The following SLC60A2 variants were observed in gnomAD, a reference collection of about 807,000 sequenced individuals.
SLC60A2 encodes the protein solute carrier family 60 member 2.
chr6:111,271,186 A>AT, the SLC60A2 span: 2 of 151,528 alleles, frequency 1.3e-5, no homozygotes, highest in Admixed American at 1.3e-4. Flanking sequence ...AAAAAAAAAA[A>AT]AAAAAAAGGA....
chr6:111,262,118 CAGT>C, the SLC60A2 span: 54 of 538,732 alleles, frequency 1.0e-4, no homozygotes, highest in Non-Finnish European at 1.5e-4. Flanking sequence ...ACTAAAAAAA[CAGT>C]AGTCTAATTC....
At chr6:111,261,284 T>C in the SLC60A2 span, among the ~76,000 whole-genome samples, 1 of 152,204 alleles carries the variant, frequency 6.6e-6, no homozygotes, top group Non-Finnish European at 1.5e-5. Flanking sequence ...TATTGCTGTT[T>C]AACAACATAA....
At chr6:111,273,496 G>GT in the SLC60A2 span, among the ~76,000 whole-genome samples, 15,134 of 109,732 alleles carry the variant, frequency 0.14, 941 homozygotes, top group Middle Eastern at 0.23. Flanking sequence ...TGAGATTTGT[G>GT]TTTTTTTTTT....
At chr6:111,271,181 A>G in the SLC60A2 span, 1 of 151,428 alleles carries the variant, frequency 6.6e-6, no homozygotes, top group Admixed American at 6.6e-5. Context: ...AAAAAAAAAA[A>G]AAAAAAAAAA....
At chr6:111,265,221 A>T in the SLC60A2 span, 4 of 889,224 alleles carry the variant, frequency 4.5e-6, no homozygotes, top group African/African-American at 1.8e-5. Flanking sequence ...TAATTTTGTT[A>T]TGAAATTATA....
the SLC60A2 span, among the ~76,000 whole-genome samples, chr6:111,261,088 G>A: frequency 6.2e-3 from 942 of 152,300 alleles, 14 homozygotes; most frequent in African/African-American, 0.022. Context: ...TGCTGACACT[G>A]CATTGAGTAA....
the SLC60A2 span, among the ~76,000 whole-genome samples, chr6:111,273,496 G>GTTTTTTTTTTT: frequency 1.8e-5 from 2 of 109,864 alleles, no homozygotes; most frequent in Non-Finnish European, 2.2e-5. Flanking sequence ...TGAGATTTGT[G>GTTTTTTTTTTT]TTTTTTTTTT....
the SLC60A2 span, chr6:111,267,983 C>T: frequency 6.6e-6 from 1 of 152,248 alleles, no homozygotes; most frequent in African/African-American, 2.4e-5. Flanking sequence ...GCCCTGCACT[C>T]TGTCACTTAA....
the SLC60A2 span, among the ~76,000 whole-genome samples, chr6:111,264,787 C>CAAA: frequency 1.7e-5 from 2 of 121,014 alleles, no homozygotes; most frequent in Admixed American, 8.1e-5. Flanking sequence ...GACTCCATCT[C>CAAA]AAAAAAAAAA....
chr6:111,267,037 T>C, the SLC60A2 span: 1 of 1,614,108 alleles, frequency 6.2e-7, no homozygotes, highest in South Asian at 1.1e-5. Flanking sequence ...AATGCACTGG[T>C]GTTTGAGTCT....
At chr6:111,265,849 A>G in the SLC60A2 span, 1 of 1,550,248 alleles carries the variant, frequency 6.5e-7, no homozygotes, top group Non-Finnish European at 8.7e-7. Context: ...TTTAACTTAA[A>G]TAATTTTTCC....
At chr6:111,268,875 GGT>G in the SLC60A2 span, 1 of 152,108 alleles carries the variant, frequency 6.6e-6, no homozygotes, top group Non-Finnish European at 1.5e-5. Flanking sequence ...GATCAGAAAG[GGT>G]ACTTCATATA....
At chr6:111,261,878 T>C in the SLC60A2 span, among the ~76,000 whole-genome samples, 1 of 152,248 alleles carries the variant, frequency 6.6e-6, no homozygotes, top group Non-Finnish European at 1.5e-5. Flanking sequence ...AGGCGTGAGC[T>C]ACTGTGCCCG....
chr6:111,271,679 T>G, the SLC60A2 span, among the ~76,000 whole-genome samples: 6 of 143,990 alleles, frequency 4.2e-5, no homozygotes, highest in African/African-American at 1.5e-4. Context: ...GGCTCACACC[T>G]GTAATCACAG....
At chr6:111,268,578 G>A in the SLC60A2 span, 1 of 152,248 alleles carries the variant, frequency 6.6e-6, no homozygotes, top group Non-Finnish European at 1.5e-5. Context: ...AACTGTTTCA[G>A]TGTTATTAGA....
chr6:111,270,110 G>A, the SLC60A2 span: 1 of 152,170 alleles, frequency 6.6e-6, no homozygotes, highest in African/African-American at 2.4e-5. Context: ...GCCTCCCACA[G>A]TTCTTGCCAT....
At chr6:111,267,860 C>T in the SLC60A2 span, 11 of 152,138 alleles carry the variant, frequency 7.2e-5, no homozygotes, top group African/African-American at 2.4e-4. Context: ...ATTGCTTTAC[C>T]TTATCTGTAG....
the SLC60A2 span, among the ~76,000 whole-genome samples, chr6:111,274,913 GTTTA>G: frequency 3.5e-4 from 53 of 152,058 alleles, no homozygotes; most frequent in South Asian, 2.5e-3. Flanking sequence ...ATCCTTTTCT[GTTTA>G]TTTATTTCAT....
the SLC60A2 span, chr6:111,269,181 CT>C: frequency 6.6e-6 from 1 of 152,058 alleles, no homozygotes; most frequent in African/African-American, 2.4e-5. Context: ...TAAAAACCTT[CT>C]TGCTCTTTTT....
Sources: gnomAD v4.1 joint callset for allele counts (sites outside exome capture counted in the v4.1 genomes callset) on GRCh38, gnomAD v4.1.1 for gene constraint, MANE v1.5 for transcripts, NCBI Gene and HGNC (gene_info 2026-07-23, HGNC 2026-07-21) for gene names.